GAREM2: variants seen among roughly 807,000 people sequenced by gnomAD.
The protein encoded by GAREM2 is GRB2-associated and regulator of MAPK protein 2.
Under a neutral mutation model 55.6 loss-of-function variants are expected in GAREM2, and 30 were observed. That is an observed-to-expected ratio of 0.54 (90% CI 0.40 to 0.73). The LOEUF is 0.73. GAREM2 is among the 30% of genes least tolerant of loss of function. GAREM2 has a pLI of 0.00. For missense variants in GAREM2, 1,075 were observed against 1,257.7 expected, an observed-to-expected ratio of 0.85 and a Z score of 2.20; for synonymous variants, 550 against 569.1, an observed-to-expected ratio of 0.97 and a Z score of 0.48.
the GAREM2 span, among the ~76,000 whole-genome samples, chr2:26,199,726 A>G: frequency 6.6e-6 from 1 of 152,062 alleles, no homozygotes; most frequent in Non-Finnish European, 1.5e-5. Context: ...TAAATTATTT[A>G]TCTTTTTTTC....
At chr2:26,190,242 C>T (rs933674129), downstream of GAREM2, among the ~76,000 whole-genome samples, 7 of 152,306 alleles carry the variant, frequency 4.6e-5, no homozygotes, top group Admixed American at 3.9e-4. Flanking sequence ...TAATATCTGA[C>T]AATTTAGAAT....
chr2:26,197,698 G>C, the GAREM2 span: 1 of 1,415,554 alleles, frequency 7.1e-7, no homozygotes, highest in Non-Finnish European at 1.0e-6. Flanking sequence ...TACCTTCTCA[G>C]GTCTTTTGCT....
At chr2:26,191,721 T>A (rs1053865333), downstream of GAREM2, 4 of 1,301,124 alleles carry the variant, frequency 3.1e-6, no homozygotes, top group African/African-American at 5.8e-5. Context: ...GATGGGTGCA[T>A]GGGGAGCTCT....
At chr2:26,203,382 C>A in the GAREM2 span, among the ~76,000 whole-genome samples, 1 of 152,190 alleles carries the variant, frequency 6.6e-6, no homozygotes, top group African/African-American at 2.4e-5. Flanking sequence ...CTCCATTTGG[C>A]CAAGCTGCTG....
At chr2:26,191,186 T>C, downstream of GAREM2, 1 of 1,512,752 alleles carries the variant, frequency 6.6e-7, no homozygotes, top group Non-Finnish European at 9.2e-7. Context: ...CACCACTCTG[T>C]TGGAGAACCA....
In GAREM2 at chr2:26,185,006, CG is replaced by C; in HGVS notation, c.1159del (p.Ala387ProfsTer11). On this transcript the variant is annotated frameshift_variant, in exon 4 of 6. Transcript: ENST00000401533. LOFTEE classifies it high-confidence loss of function. ...CGCGCCTCTGCCTGCCCGCGCCGCG[CG>C]CCCCCGGGCTCGCCCGCGCCCCCGG... is the stretch of plus-strand genomic sequence containing the variant. ...RARLCLPAPR[A>X]PGLARAPGPL... is the part of the protein sequence containing the mutation. 9 of 1,103,038 alleles carry C rather than the reference CG, an allele frequency of 8.2e-6. No individual in the cohort carries two copies. The highest frequency in any genetic ancestry group is 9.9e-6 in the Non-Finnish European group (9 of 906,736). 68.3% of individuals were successfully genotyped at this position (1,103,038 alleles called of 1,614,324 possible).
rs948403157 is a variant in GAREM2 at position 26,187,643 on chromosome 2, C to G, written c.2011C>G (p.Pro671Ala). 6.5e-7 allele frequency: 1 copy of G among 1,544,620 alleles called. No individual in the cohort carries two copies. The highest frequency in any genetic ancestry group is 8.7e-7 in the Non-Finnish European group (1 of 1,143,470). Reference sequence around the variant, plus strand: ...TGCGTATTCCCCAGGCCCAGCCTCGCCAGGCCAGGCCTATTCAGCTGCTCC... The same window carrying G: ...TGCGTATTCCCCAGGCCCAGCCTCGGCAGGCCAGGCCTATTCAGCTGCTCC... ...GPAYSPGPAS[P>A]GQAYSAAPPS... is the part of the protein sequence containing the mutation. Residue 671 changes from proline to alanine, a missense_variant, in exon 6 of 6, where the codon CCA becomes GCA. Around this residue, in one of 6 missense-constraint regions of GAREM2, gnomAD observed 515 missense variants for 501.5 expected, o/e 1.03. Coordinates refer to ENST00000401533, the MANE Select transcript of GAREM2 (RefSeq NM_001168241.2).
At chr2:26,175,455 G>A (rs7566623) in intron 1 of GAREM2, among the ~76,000 whole-genome samples, 115,518 of 151,870 alleles carry the variant, frequency 0.76, 44,901 homozygotes, top group African/African-American at 0.93. Context: ...ACCCTCAGCC[G>A]TCACCCCTGT....
At chr2:26,176,522 G>C in intron 2 of GAREM2, 38 bp downstream of exon 2, 3 of 1,475,896 alleles carry the variant, frequency 2.0e-6, no homozygotes, top group African/African-American at 2.8e-5. Flanking sequence ...AAGCCTGTAG[G>C]GGGGTGTAGG....
At chr2:26,200,954 G>A in the GAREM2 span, among the ~76,000 whole-genome samples, 1 of 151,884 alleles carries the variant, frequency 6.6e-6, no homozygotes, top group Admixed American at 6.6e-5. Flanking sequence ...GTCTGGTCTC[G>A]AACTCCTTAC....
chr2:26,201,765 TTA>T, the GAREM2 span, among the ~76,000 whole-genome samples: 8 of 152,152 alleles, frequency 5.3e-5, no homozygotes, highest in Non-Finnish European at 8.8e-5. Context: ...ATATATAATT[TTA>T]TGTTATTCTG....
downstream of GAREM2, among the ~76,000 whole-genome samples, chr2:26,190,398 G>T (rs538569824): frequency 7.7e-4 from 117 of 152,212 alleles, 3 homozygotes; most frequent in African/African-American, 2.8e-3. Context: ...GGTGGGGAGG[G>T]GCTGAAGCTT....
chr2:26,200,974 C>T, the GAREM2 span, among the ~76,000 whole-genome samples: 10 of 152,246 alleles, frequency 6.6e-5, no homozygotes, highest in East Asian at 1.5e-3. Context: ...CCTCGTGATC[C>T]GCCCACCTCA....
At position 26,176,438 on chromosome 2, in the gene GAREM2, C is replaced by T; in HGVS notation, c.207C>T (p.Gly69=). The T allele has an allele frequency of 6.5e-7, 1 of 1,550,286 alleles. No individual in the cohort carries two copies. Among genetic ancestry groups the T allele is most frequent in the Non-Finnish European group, 8.7e-7 (1 of 1,146,206 alleles). ...TGACAGCTCATACCCTGGAGGAGGG[C>T]CACTATGTCATCGGGCCCAAGATCG... ...TTVTAHTLEE[G]HYVIGPKIDI... is the part of the protein sequence containing the mutation. Residue 69 remains glycine, a synonymous_variant, in exon 2 of 6, where the codon GGC becomes GGT. Transcript: ENST00000401533.
chr2:26,181,234 T>G (rs1669040855), intron 2 of GAREM2: 7 of 718,688 alleles, frequency 9.7e-6, no homozygotes, highest in Non-Finnish European at 1.2e-5. Context: ...CAAATCCCAG[T>G]TGCTGTCTGC....
downstream of GAREM2, chr2:26,193,774 T>C (rs1057516217): frequency 1.2e-6 from 2 of 1,613,674 alleles, no homozygotes; most frequent in African/African-American, 2.7e-5. Flanking sequence ...AACTCCTTCC[T>C]GAACAGGAAG....
intron 4 of GAREM2, among the ~76,000 whole-genome samples, chr2:26,185,655 A>G (rs1416308432): frequency 6.6e-6 from 1 of 152,042 alleles, no homozygotes; most frequent in East Asian, 1.9e-4. Flanking sequence ...TTCCCTCCTC[A>G]TATTGGAGTC....
In GAREM2 at chr2:26,183,005, G is replaced by C; in HGVS notation, c.292G>C (p.Glu98Gln). The C allele has an allele frequency of 6.4e-7, 1 of 1,551,732 alleles. No homozygotes were observed. Among genetic ancestry groups the C allele is most frequent in the Non-Finnish European group, 8.7e-7 (1 of 1,146,980 alleles). ...KLLEQARDVR[E>Q]PVRYFSSVEE... The stretch of plus-strand genomic sequence containing the variant: ...CCTGGAACAGGCCCGGGATGTGCGG[G>C]AGCCAGTGAGGTACTTCAGCAGCGT... The change falls in exon 3 of 6, where the codon GAG becomes CAG. Residue 98 changes from glutamate (E) to glutamine (Q), a missense_variant. Transcript: ENST00000401533.
rs1188955277 is a variant in GAREM2, at chr2:26,187,620, C to T, written c.1988C>T (p.Ala663Val). 96 of 1,549,138 alleles carry T rather than the reference C, an allele frequency of 6.2e-5. No homozygotes were observed. The highest frequency in any genetic ancestry group is 7.6e-5 in the Non-Finnish European group (87 of 1,145,698). ...GGTCCTGTGGCTACCTCTGGCCCTG[C>T]GTATTCCCCAGGCCCAGCCTCGCCA... ...TSGPVATSGPAYSPGPASPGQ... is the reference protein window; with the variant it reads ...TSGPVATSGPVYSPGPASPGQ... Residue 663 changes from alanine to valine, a missense_variant, in exon 6 of 6, where the codon GCG becomes GTG. Physicochemically the swap from Ala to Val is moderately conservative, Grantham distance 64. Transcript: ENST00000401533.
Sources: gnomAD v4.1 joint callset for allele counts (sites outside exome capture counted in the v4.1 genomes callset) on GRCh38, gnomAD v4.1.1 for gene constraint, gnomAD v4.1.1 regional missense constraint, MANE v1.5 for transcripts, NCBI Gene and HGNC (gene_info 2026-07-23, HGNC 2026-07-21) for gene names.